Variants in PLD5 observed in about 807,000 individuals in gnomAD.
PLD5 encodes phospholipase D family member 5, also known as inactive phospholipase D5.
PLD5 carries 36 observed loss-of-function variants against 61.1 expected under a neutral mutation model. That is an observed-to-expected ratio of 0.59 (90% CI 0.45 to 0.78). The LOEUF (loss-of-function observed/expected upper bound fraction) is 0.78. Among genes scored for constraint, PLD5 ranks in the 30% least tolerant of loss-of-function variants. The pLI is 0.00. For missense variants in PLD5, 515 were observed against 644.4 expected (o/e 0.80, Z 2.17); for synonymous variants, 243 against 242.8 (o/e 1.00, Z -0.01).
chr1:242,371,163 T>A (rs897524867), intron 1 of PLD5, among the ~76,000 whole-genome samples: 2 of 152,158 alleles, frequency 1.3e-5, no homozygotes, highest in African/African-American at 2.4e-5. Flanking sequence ...GCAAAATTTA[T>A]CTTTAGTAGC....
rs564120810 is a variant in PLD5, at chr1:242,235,261, T to A, written c.608-15146A>T. ...AACAGATATCTGCTGAATGAATGAATGAACCACCTTTAGATCACCTTTAGT... is the reference window on the plus strand; with the variant it reads ...AACAGATATCTGCTGAATGAATGAAAGAACCACCTTTAGATCACCTTTAGT... On this transcript the variant is annotated intron_variant, in intron 4 of 9. Transcript: ENST00000536534. Among the ~76,000 whole-genome samples the A allele has an allele frequency of 4.6e-5, 7 of 152,326 alleles. 1 individual carries two copies. The South Asian group carries it at 1.5e-3, about 32-fold the overall frequency.
At chr1:242,446,018 T>A (rs909469046) in intron 1 of PLD5, among the ~76,000 whole-genome samples, 2 of 151,900 alleles carry the variant, frequency 1.3e-5, no homozygotes, top group African/African-American at 4.8e-5. Context: ...ACAAATATAT[T>A]AATGTAATCT....
intron 2 of PLD5, among the ~76,000 whole-genome samples, chr1:242,346,927 T>G (rs1660171542): frequency 6.6e-6 from 1 of 152,246 alleles, no homozygotes; most frequent in African/African-American, 2.4e-5. Flanking sequence ...TGCTCCTGCA[T>G]TAGCTTGCTA....
At chr1:242,488,842 G>A (rs1192912127) in intron 1 of PLD5, among the ~76,000 whole-genome samples, 1 of 152,122 alleles carries the variant, frequency 6.6e-6, no homozygotes, top group African/African-American at 2.4e-5. Flanking sequence ...GGATGAGGGA[G>A]TATTTGGGAA....
chr1:242,180,165 C>T (rs1290244714), intron 5 of PLD5, among the ~76,000 whole-genome samples: 1 of 152,054 alleles, frequency 6.6e-6, no homozygotes, highest in East Asian at 1.9e-4. Context: ...CAGATGTAAG[C>T]CCTGGGAAAC....
intron 5 of PLD5, among the ~76,000 whole-genome samples, chr1:242,150,852 TC>T (rs1163702984): frequency 6.6e-6 from 1 of 151,866 alleles, no homozygotes; most frequent in Admixed American, 6.6e-5. Flanking sequence ...CTTCCATTTT[TC>T]CTCATCTATT....
In PLD5 at chr1:242,271,371, G is replaced by A. The variant is rs149040127; in HGVS notation, c.496-5923C>T. ...AAATAAAAAAAAAATGATCCAAGTT[G>A]AGGGAAGAACTAAATCTACAAGGTG... On this transcript the variant is annotated intron_variant, in intron 3 of 9. Coordinates refer to ENST00000536534, the MANE Select transcript of PLD5 (RefSeq NM_001372062.1). 6.0e-3 allele frequency among the ~76,000 whole-genome samples: 911 copies of A among 152,038 alleles called. 7 individuals carry two copies. The highest frequency in any genetic ancestry group is 0.02 in the African/African-American group (840 of 41,484).
chr1:242,150,753 C>G (rs756402033), intron 5 of PLD5, among the ~76,000 whole-genome samples: 2 of 151,668 alleles, frequency 1.3e-5, no homozygotes, highest in African/African-American at 2.4e-5. Context: ...TCCAATCTGT[C>G]AATCTTTTTC....
intron 2 of PLD5, among the ~76,000 whole-genome samples, chr1:242,328,096 C>CA (rs1270580248): frequency 1.1e-4 from 16 of 151,442 alleles, no homozygotes; most frequent in African/African-American, 2.2e-4. Flanking sequence ...AAAACAAAAG[C>CA]AAAAAAAACT....
At chr1:242,160,890 A>C (rs529195633) in intron 5 of PLD5, among the ~76,000 whole-genome samples, 138 of 152,140 alleles carry the variant, frequency 9.1e-4, no homozygotes, top group African/African-American at 3.1e-3. Context: ...ATCTCAAAAA[A>C]TAATAATTAA....
At chr1:242,201,807 T>G (rs1041226405) in intron 5 of PLD5, among the ~76,000 whole-genome samples, 1 of 152,228 alleles carries the variant, frequency 6.6e-6, no homozygotes, top group Non-Finnish European at 1.5e-5. Context: ...GTTACATTAT[T>G]TTCATAAGTA....
chr1:242,291,187 C>A (rs1675340159), intron 2 of PLD5, among the ~76,000 whole-genome samples: 2 of 152,064 alleles, frequency 1.3e-5, no homozygotes, highest in South Asian at 2.1e-4. Flanking sequence ...TCCCAGTTAA[C>A]CTTTAAAGTT....
intron 1 of PLD5, among the ~76,000 whole-genome samples, chr1:242,387,707 T>G (rs1403288496): frequency 2.0e-5 from 3 of 147,180 alleles, no homozygotes; most frequent in Non-Finnish European, 4.5e-5. Flanking sequence ...ATATAAAATT[T>G]TATCTATTTT....
chr1:242,109,497 C>T (rs1285398856), intron 7 of PLD5, among the ~76,000 whole-genome samples: 2 of 151,986 alleles, frequency 1.3e-5, no homozygotes, highest in Non-Finnish European at 2.9e-5. Flanking sequence ...CAAAAAAATG[C>T]CACCCCCCAC....
At chr1:242,506,308 C>G (rs527676671) in intron 1 of PLD5, among the ~76,000 whole-genome samples, 27 of 152,172 alleles carry the variant, frequency 1.8e-4, no homozygotes, top group Non-Finnish European at 3.1e-4. Context: ...TTGGAGGCGC[C>G]TGGGTGTAAG....
At chr1:242,324,423 G>A (rs750068936) in intron 2 of PLD5, among the ~76,000 whole-genome samples, 51 of 152,306 alleles carry the variant, frequency 3.3e-4, no homozygotes, top group African/African-American at 1.2e-3. Flanking sequence ...AATCACCTTT[G>A]CAAAAATTGT....
chr1:242,382,953 CTTAGAT>C (rs1218705248), intron 1 of PLD5, among the ~76,000 whole-genome samples: 2 of 151,694 alleles, frequency 1.3e-5, no homozygotes, highest in African/African-American at 4.9e-5. Context: ...AATCATTTCT[CTTAGAT>C]TTAAAGTGAT....
intron 5 of PLD5, among the ~76,000 whole-genome samples, chr1:242,153,448 C>A (rs148864615): frequency 6.6e-6 from 1 of 151,272 alleles, no homozygotes; most frequent in Non-Finnish European, 1.5e-5. Flanking sequence ...TGAATGGTAT[C>A]GCCTAGGTTT....
intron 9 of PLD5, among the ~76,000 whole-genome samples, chr1:242,099,131 A>AT (rs992409824): frequency 1.2e-4 from 18 of 151,436 alleles, no homozygotes; most frequent in East Asian, 3.9e-4. Flanking sequence ...TTTTATTTTT[A>AT]TTTTTTTTGA....
Sources: allele counts gnomAD v4.1 joint callset (sites outside exome capture counted in the v4.1 genomes callset), GRCh38; gene constraint gnomAD v4.1.1; transcripts MANE v1.5; gene names NCBI Gene and HGNC (gene_info 2026-07-23, HGNC 2026-07-21).